DYNLT2: variants seen among roughly 807,000 people sequenced by gnomAD.
DYNLT2 encodes the protein dynein light chain Tctex-type protein 2.
A neutral mutation model predicts 24.3 loss-of-function variants in DYNLT2; 24 were observed. That is an observed-to-expected ratio of 0.99 (90% CI 0.71 to 1.39). The LOEUF (loss-of-function observed/expected upper bound fraction) is 1.39. Ranked by LOEUF, DYNLT2 falls within the 40% of genes most tolerant of loss-of-function variation. DYNLT2 has a pLI of 0.00. For missense variants in DYNLT2, 246 were observed against 234.5 expected, an observed-to-expected ratio of 1.05 and a Z score of -0.32; for synonymous variants, 85 against 85.4, an observed-to-expected ratio of 1.00 and a Z score of 0.03.
At chr6:169,739,401 CA>C (rs1016220962), downstream of DYNLT2, among the ~76,000 whole-genome samples, 6 of 151,950 alleles carry the variant, frequency 3.9e-5, no homozygotes, top group African/African-American at 1.2e-4. Context: ...GCTCCAGCCC[CA>C]ATCTTAAGGA....
chr6:169,733,537 T>G, the DYNLT2 span, among the ~76,000 whole-genome samples: 1 of 152,214 alleles, frequency 6.6e-6, no homozygotes, highest in African/African-American at 2.4e-5. Flanking sequence ...ATTTACTGAA[T>G]AGGAGATCCT....
intron 1 of DYNLT2, chr6:169,750,236 T>C (rs994842570): frequency 1.3e-5 from 2 of 152,206 alleles, no homozygotes; most frequent in African/African-American, 2.4e-5. Context: ...CCTCAATATA[T>C]AGAAATTTTT....
At chr6:169,733,408 T>C in the DYNLT2 span, among the ~76,000 whole-genome samples, 1 of 152,252 alleles carries the variant, frequency 6.6e-6, no homozygotes, top group Admixed American at 6.5e-5. Flanking sequence ...CTAGAGTTTT[T>C]ATGGTTTTGG....
Position 169,743,078 on chromosome 6 carries a change from A to C in DYNLT2, c.486+2T>G. ...TAGATCCTGTATCAATGGGGTACTTACATTTATTGCTTGGCCAGTCTTTTG... is the reference window on the plus strand; with the variant it reads ...TAGATCCTGTATCAATGGGGTACTTCCATTTATTGCTTGGCCAGTCTTTTG... On this transcript the variant is annotated splice_donor_variant, in intron 3 of 3. Coordinates refer to ENST00000366774, the MANE Select transcript of DYNLT2 (RefSeq NM_174910.3). LOFTEE classifies it high-confidence loss of function. 6.5e-7 allele frequency: 1 copy of C among 1,541,494 alleles called. No homozygotes were observed. Among genetic ancestry groups the C allele is most frequent in the South Asian group, 1.3e-5 (1 of 78,782 alleles).
At chr6:169,751,228 G>C in intron 1 of DYNLT2, 111 bp downstream of exon 1, 1 of 1,462,218 alleles carries the variant, frequency 6.8e-7, no homozygotes, top group Non-Finnish European at 9.1e-7. Flanking sequence ...AAAGGGAGAT[G>C]CTGCCTCCTT....
At chr6:169,746,154 CTCTT>C (rs1789793659) in intron 1 of DYNLT2, among the ~76,000 whole-genome samples, 1 of 152,128 alleles carries the variant, frequency 6.6e-6, no homozygotes, top group South Asian at 2.1e-4. Flanking sequence ...TGTGTGTCCT[CTCTT>C]TCTTAGCCTG....
chr6:169,740,437 T>C (rs1167774352), intron 3 of DYNLT2, 142 bp from the exon 4 acceptor site: 2 of 613,708 alleles, frequency 3.3e-6, no homozygotes, highest in African/African-American at 3.7e-5. Flanking sequence ...GTTTTCCCTT[T>C]CATAAAGAGC....
At position 169,751,540 on chromosome 6, in the gene DYNLT2, A is replaced by T. The variant is rs1019151316; in HGVS notation, c.-82T>A. ...CCCTAGCCAGTCCCGCGAGGGCGGA[A>T]GTCTCCCACCTGCGCCTCGTACGGT... is the stretch of plus-strand genomic sequence containing the variant. On this transcript the variant is annotated 5_prime_UTR_variant, in exon 1 of 4. Transcript: ENST00000366774. The T allele has an allele frequency of 3.7e-6, 6 of 1,610,604 alleles. No homozygotes were observed. In the Admixed American group the frequency reaches 1.0e-4, roughly 27 times the overall value.
At position 169,751,490 on chromosome 6, in the gene DYNLT2, C is replaced by T; in HGVS notation, c.-32G>A. The T allele has an allele frequency of 6.2e-7, 1 of 1,611,968 alleles. No homozygotes were observed. The highest frequency in any genetic ancestry group is 8.5e-7 in the Non-Finnish European group (1 of 1,179,002). ...CTGTTCTCCAAGACGCCCACCGCCT[C>T]CCCTTCACCGCCGGCGGTCAAACGC... On this transcript the variant is annotated 5_prime_UTR_variant, in exon 1 of 4. Transcript: ENST00000366774.
At chr6:169,735,885 G>A (rs551678075), downstream of DYNLT2, among the ~76,000 whole-genome samples, 1 of 152,292 alleles carries the variant, frequency 6.6e-6, no homozygotes, top group African/African-American at 2.4e-5. Context: ...ACAGTGGGGT[G>A]TTAAGGTCTC....
intron 1 of DYNLT2, among the ~76,000 whole-genome samples, chr6:169,745,970 T>G (rs1789788366): frequency 6.6e-6 from 1 of 152,244 alleles, no homozygotes. Context: ...TTATTCAGAT[T>G]ATCTATTTCT....
intron 1 of DYNLT2, among the ~76,000 whole-genome samples, chr6:169,746,689 AT>A (rs938020171): frequency 6.6e-6 from 1 of 151,970 alleles, no homozygotes; most frequent in Non-Finnish European, 1.5e-5. Flanking sequence ...AGTATGCCTA[AT>A]TTTTTTCCTG....
chr6:169,743,977 A>C, intron 2 of DYNLT2, 91 bp downstream of exon 2: 1 of 1,272,662 alleles, frequency 7.9e-7, no homozygotes, highest in Middle Eastern at 2.8e-4. Context: ...GTATGAGCCA[A>C]TTCCTGGAAT....
In DYNLT2 at chr6:169,751,344, C is replaced by T. The variant is rs1790046908; in HGVS notation, c.115G>A (p.Glu39Lys). 3.1e-6 allele frequency: 5 copies of T among 1,613,878 alleles called. No individual in the cohort carries two copies. In the East Asian group the frequency reaches 8.9e-5, roughly 29 times the overall value. Reference sequence around the variant, plus strand: ...CTAGCAGTCTCCGCACTCACTGCCTCCTTCTCGAACATGCTAGGCCTCCTT... The same window carrying T: ...CTAGCAGTCTCCGCACTCACTGCCTTCTTCTCGAACATGCTAGGCCTCCTT... ...KERRPSMFEKEAYTQILRERL... is the reference protein window; with the variant it reads ...KERRPSMFEKKAYTQILRERL... The change falls in exon 1 of 4, where the codon GAG becomes AAG. Residue 39 changes from glutamate to lysine, a missense_variant. Coordinates refer to ENST00000366774, the MANE Select transcript of DYNLT2 (RefSeq NM_174910.3).
chr6:169,737,011 C>T (rs1000078260), downstream of DYNLT2, among the ~76,000 whole-genome samples: 1 of 152,110 alleles, frequency 6.6e-6, no homozygotes, highest in Non-Finnish European at 1.5e-5. Context: ...TTTGTTCATT[C>T]CTTTTCATTC....
the DYNLT2 span, among the ~76,000 whole-genome samples, chr6:169,732,204 C>A: frequency 3.3e-5 from 5 of 151,600 alleles, no homozygotes; most frequent in Non-Finnish European, 7.4e-5. Flanking sequence ...GCATATTTTT[C>A]TTTTATTATG....
Position 169,744,285 on chromosome 6 carries a change from AAGAG to A in DYNLT2, c.121-15_121-12del. ...TAAAATCTGTGTATACTGGAGGAGA[AAGAG>A]AGAGGGGAAGAGAGAAAGGCAGAAA... On this transcript the variant is annotated splice_polypyrimidine_tract_variant and intron_variant, in intron 1 of 3. Transcript: ENST00000366774. 1 of 1,607,716 alleles carries A rather than the reference AAGAG, an allele frequency of 6.2e-7. No homozygotes were observed. Among genetic ancestry groups the A allele is most frequent in the African/African-American group, 1.3e-5 (1 of 74,834 alleles).
chr6:169,744,375 G>T lies in DYNLT2; in HGVS notation c.121-101C>A, dbSNP rs1009621832. On this transcript the variant is annotated intron_variant, in intron 1 of 3. Transcript: ENST00000366774. ...AAATAAGCCTGTACAGTGGGACAGG[G>T]CTCACACAAAGCTTGGAAATTTGTT... 7 of 952,956 alleles carry T rather than the reference G, an allele frequency of 7.3e-6. No individual in the cohort carries two copies. In the African/African-American group the frequency reaches 1.0e-4, roughly 14 times the overall value. The allele number at this position is 952,956 out of a possible 1,614,324, so 59.0% of individuals were successfully genotyped here.
intron 1 of DYNLT2, chr6:169,750,663 T>A (rs1312099372): frequency 6.6e-6 from 1 of 152,208 alleles, no homozygotes; most frequent in Admixed American, 6.5e-5. Flanking sequence ...CAGCTTTGTA[T>A]CCTTGGGCAA....
Sources: allele counts gnomAD v4.1 joint callset (sites outside exome capture counted in the v4.1 genomes callset), GRCh38; gene constraint gnomAD v4.1.1; transcripts MANE v1.5; gene names NCBI Gene and HGNC (gene_info 2026-07-23, HGNC 2026-07-21).